The following ITGA8 variants were observed in gnomAD, a reference collection of about 807,000 sequenced individuals.
ITGA8 encodes integrin alpha-8.
ITGA8 carries 91 observed loss-of-function variants against 142.3 expected under a neutral mutation model. The observed-to-expected ratio is 0.64, with a 90% CI of 0.54 to 0.76. The LOEUF (loss-of-function observed/expected upper bound fraction) is 0.76, where lower values mean the gene tolerates loss of function less well. ITGA8 is among the 30% of genes least tolerant of loss of function. The probability of loss-of-function intolerance (pLI) is 0.00; values close to 1 mark genes in which losing one functional copy is unlikely to be tolerated. For missense variants in ITGA8, 1,406 were observed against 1,327.7 expected (o/e 1.06, Z -0.92); for synonymous variants, 505 against 485.2 (o/e 1.04, Z -0.54).
chr10:15,592,303 T>A lies in ITGA8; in HGVS notation c.2213A>T (p.Tyr738Phe), dbSNP rs747850797. Residue 738 changes from tyrosine to phenylalanine, a missense_variant and splice_region_variant, in exon 22 of 30, where the codon TAT becomes TTT. Physicochemically the swap from Tyr to Phe is conservative, Grantham distance 22 (BLOSUM62 3). Transcript: ENST00000378076. ...LGNPMVSGTN[Y>F]SLGLRFAVPR... Reference sequence around the variant, plus strand: ...AACTGCAAATCGGAGGCCCAGGGAATACTAAAAAATAAAATAAAATCACAC... The same window carrying A: ...AACTGCAAATCGGAGGCCCAGGGAAAACTAAAAAATAAAATAAAATCACAC... 6.2e-7 allele frequency: 1 copy of A among 1,608,220 alleles called. No homozygotes were observed. Among genetic ancestry groups the A allele is most frequent in the East Asian group, 2.2e-5 (1 of 44,822 alleles).
At chr10:15,694,509 AATAT>A (rs1835009926) in intron 2 of ITGA8, among the ~76,000 whole-genome samples, 1 of 137,706 alleles carries the variant, frequency 7.3e-6, no homozygotes, top group Non-Finnish European at 1.5e-5. Flanking sequence ...AAATGTATCT[AATAT>A]ATTATAGATT....
At chr10:15,625,762 G>A (rs1833570474) in intron 13 of ITGA8, among the ~76,000 whole-genome samples, 1 of 152,216 alleles carries the variant, frequency 6.6e-6, no homozygotes, top group Non-Finnish European at 1.5e-5. Context: ...TTAGGAGATA[G>A]TGATATAGGA....
chr10:15,639,191 T>C (rs1273584670), intron 13 of ITGA8, among the ~76,000 whole-genome samples: 1 of 151,526 alleles, frequency 6.6e-6, no homozygotes, highest in African/African-American at 2.4e-5. Context: ...AGCATCACCA[T>C]GGCAGGAACC....
chr10:15,609,426 G>A (rs554074663), intron 15 of ITGA8, among the ~76,000 whole-genome samples: 8 of 152,240 alleles, frequency 5.3e-5, no homozygotes, highest in Admixed American at 1.3e-4. Flanking sequence ...AGCTTCCTGT[G>A]TCAAATATAA....
intron 20 of ITGA8, among the ~76,000 whole-genome samples, chr10:15,602,807 T>A (rs1162088226): frequency 6.6e-6 from 1 of 152,144 alleles, no homozygotes; most frequent in Non-Finnish European, 1.5e-5. Flanking sequence ...TTAGGGTTTA[T>A]ACTGATTTTC....
chr10:15,692,262 A>C (rs1408268819), intron 2 of ITGA8, among the ~76,000 whole-genome samples: 1 of 152,050 alleles, frequency 6.6e-6, no homozygotes, highest in Non-Finnish European at 1.5e-5. Flanking sequence ...TAAAAAAAAA[A>C]CTTGAGCACC....
chr10:15,647,163 G>A (rs1833997451), intron 11 of ITGA8, 112 bp from the exon 12 acceptor site: 3 of 774,532 alleles, frequency 3.9e-6, no homozygotes, highest in Admixed American at 2.3e-5. Context: ...CCTTTTCTGA[G>A]GGTTATTTTA....
At chr10:15,683,969 G>A (rs759523345) in intron 4 of ITGA8, 35 bp downstream of exon 4, 2 of 1,612,828 alleles carry the variant, frequency 1.2e-6, no homozygotes, top group Admixed American at 1.7e-5. Context: ...AAGCACTTGA[G>A]CTAATGTCAG....
chr10:15,602,519 C>T (rs924388937), intron 20 of ITGA8, among the ~76,000 whole-genome samples: 4 of 152,136 alleles, frequency 2.6e-5, no homozygotes, highest in Non-Finnish European at 5.9e-5. Context: ...GGGTGGACCG[C>T]CTGACCCCAG....
intron 27 of ITGA8, among the ~76,000 whole-genome samples, chr10:15,538,953 GTT>G (rs367805176): frequency 0.082 from 10,840 of 131,604 alleles, 609 homozygotes; most frequent in East Asian, 0.13. Flanking sequence ...TCAGGTAAAG[GTT>G]TTTTTTTTTT....
chr10:15,592,755 C>G (rs1435053300), intron 21 of ITGA8, among the ~76,000 whole-genome samples: 1 of 152,158 alleles, frequency 6.6e-6, no homozygotes, highest in Non-Finnish European at 1.5e-5. Context: ...CAGGTGCACA[C>G]CACCACACCT....
At chr10:15,616,001 A>T (rs955729611) in intron 14 of ITGA8, among the ~76,000 whole-genome samples, 1 of 152,208 alleles carries the variant, frequency 6.6e-6, no homozygotes, top group African/African-American at 2.4e-5. Context: ...CTTGCCCAAG[A>T]TTACAAATAA....
intron 26 of ITGA8, among the ~76,000 whole-genome samples, chr10:15,553,006 C>T (rs1833819649): frequency 6.6e-6 from 1 of 152,166 alleles, no homozygotes; most frequent in Non-Finnish European, 1.5e-5. Context: ...CCTATAACCC[C>T]AGCACTTTGG....
chr10:15,531,399 T>TATCCAAGCATCCATCC (rs796734509), intron 27 of ITGA8, among the ~76,000 whole-genome samples: 1 of 151,638 alleles, frequency 6.6e-6, no homozygotes, highest in Non-Finnish European at 1.5e-5. Flanking sequence ...AGCATCCATC[T>TATCCAAGCATCCATCC]ATCCAAGCAT....
chr10:15,640,767 C>T (rs975679920), intron 13 of ITGA8, among the ~76,000 whole-genome samples: 1 of 152,172 alleles, frequency 6.6e-6, no homozygotes, highest in Admixed American at 6.5e-5. Flanking sequence ...TGAGTCCTAA[C>T]AGTGGCTCAG....
intron 15 of ITGA8, among the ~76,000 whole-genome samples, chr10:15,613,326 GAGCTA>G (rs1216568231): frequency 3.3e-5 from 5 of 152,064 alleles, no homozygotes; most frequent in Non-Finnish European, 7.4e-5. Context: ...AAGAATCTAA[GAGCTA>G]TCTCCAAGAT....
chr10:15,600,510 T>C (rs1833085847), intron 20 of ITGA8, among the ~76,000 whole-genome samples: 1 of 151,964 alleles, frequency 6.6e-6, no homozygotes, highest in South Asian at 2.1e-4. Flanking sequence ...ATTACAGGAA[T>C]GGAAAAGGAA....
At chr10:15,593,034 T>C (rs1009141119) in intron 21 of ITGA8, among the ~76,000 whole-genome samples, 1 of 152,230 alleles carries the variant, frequency 6.6e-6, no homozygotes, top group African/African-American at 2.4e-5. Context: ...GTTACAATGT[T>C]TATGTGCAAT....
intron 22 of ITGA8, among the ~76,000 whole-genome samples, chr10:15,589,694 A>T (rs974584926): frequency 2.0e-5 from 3 of 152,108 alleles, no homozygotes; most frequent in Non-Finnish European, 2.9e-5. Flanking sequence ...CCAGCAAAGC[A>T]TGCAGATAAA....
Sources: allele counts gnomAD v4.1 joint callset (sites outside exome capture counted in the v4.1 genomes callset), GRCh38; gene constraint gnomAD v4.1.1; transcripts MANE v1.5; gene names NCBI Gene and HGNC (gene_info 2026-07-23, HGNC 2026-07-21).